Variants in VPS13B observed in about 807,000 individuals in gnomAD.
VPS13B encodes the protein intermembrane lipid transfer protein VPS13B.
A neutral mutation model predicts 426.4 loss-of-function variants in VPS13B; 285 were observed. The ratio of observed to expected loss-of-function variants is 0.67; its 90% CI spans 0.61 to 0.74. The LOEUF (loss-of-function observed/expected upper bound fraction) is 0.74. Ranked by LOEUF, VPS13B falls within the 30% of genes least tolerant of loss-of-function variation. The pLI, the probability that VPS13B is intolerant of heterozygous loss-of-function variation, is 0.00. For synonymous variants in VPS13B, 1,676 were observed against 1,676.4 expected (o/e 1.00, Z 0.01); for missense variants, 4,537 against 4,782.6 (o/e 0.95, Z 1.51).
At chr8:99,606,498 CAAAAAA>C (rs370527702) in intron 33 of VPS13B, among the ~76,000 whole-genome samples, 148 of 74,344 alleles carry the variant, frequency 2.0e-3, no homozygotes, top group African/African-American at 6.7e-3. Context: ...GACTCAGTTT[CAAAAAA>C]AAAAAAAAAA....
intron 14 of VPS13B, among the ~76,000 whole-genome samples, chr8:99,153,119 A>G (rs1052240548): frequency 1.3e-5 from 2 of 152,202 alleles, no homozygotes; most frequent in Non-Finnish European, 1.5e-5. Flanking sequence ...GCAGTGAGCA[A>G]TGATCACACC....
At chr8:99,384,647 G>T (rs1167634901) in intron 20 of VPS13B, among the ~76,000 whole-genome samples, 4 of 152,144 alleles carry the variant, frequency 2.6e-5, no homozygotes, top group Admixed American at 6.6e-5. Context: ...GAATTGCTCA[G>T]TAAATGAATG....
At chr8:99,719,218 A>G (rs2130331255) in intron 37 of VPS13B, among the ~76,000 whole-genome samples, 1 of 152,368 alleles carries the variant, frequency 6.6e-6, no homozygotes, top group South Asian at 2.1e-4. Context: ...CAAGTGCTTA[A>G]AAATAAAAAG....
intron 19 of VPS13B, 60 bp downstream of exon 19, chr8:99,275,314 A>G (rs1169669041): frequency 1.4e-6 from 2 of 1,430,770 alleles, no homozygotes; most frequent in African/African-American, 1.5e-5. Context: ...TTTTCCAGAA[A>G]GGCTTTTAAA....
At chr8:99,234,225 T>C in intron 17 of VPS13B, 4 of 775,158 alleles carry the variant, frequency 5.2e-6, no homozygotes, top group Admixed American at 3.4e-5. Context: ...GCTTAGCTCC[T>C]CCATGGCTAT....
At chr8:99,238,864 A>T (rs527433489) in intron 17 of VPS13B, among the ~76,000 whole-genome samples, 9 of 152,174 alleles carry the variant, frequency 5.9e-5, no homozygotes, top group Non-Finnish European at 1.2e-4. Flanking sequence ...TTTATATGTT[A>T]TATGGTAAAT....
At chr8:99,538,757 G>C (rs1823395701) in intron 30 of VPS13B, among the ~76,000 whole-genome samples, 2 of 152,042 alleles carry the variant, frequency 1.3e-5, no homozygotes, top group African/African-American at 4.8e-5. Flanking sequence ...CTTACTTATT[G>C]ATTTCTTTAG....
intron 23 of VPS13B, among the ~76,000 whole-genome samples, chr8:99,452,458 C>T (rs1452248921): frequency 1.3e-5 from 2 of 152,102 alleles, no homozygotes; most frequent in Non-Finnish European, 2.9e-5. Context: ...TGCTGTATTA[C>T]CATTATTTAG....
chr8:99,237,816 C>T (rs1433065929), intron 17 of VPS13B, among the ~76,000 whole-genome samples: 1 of 149,974 alleles, frequency 6.7e-6, no homozygotes, highest in Non-Finnish European at 1.5e-5. Context: ...TTAAAAAATT[C>T]ATACAAAAAA....
chr8:99,469,119 G>C (rs887447813), intron 24 of VPS13B, among the ~76,000 whole-genome samples: 1 of 150,348 alleles, frequency 6.7e-6, no homozygotes, highest in Non-Finnish European at 1.5e-5. Context: ...AAAAACTTAA[G>C]AACTCATCTT....
intron 54 of VPS13B, among the ~76,000 whole-genome samples, chr8:99,844,521 C>T (rs1815878858): frequency 6.6e-6 from 1 of 152,108 alleles, no homozygotes; most frequent in African/African-American, 2.4e-5. Context: ...GCACCCGCCA[C>T]CATGCCCAGC....
intron 59 of VPS13B, among the ~76,000 whole-genome samples, chr8:99,868,712 C>T (rs562133420): frequency 4.6e-5 from 7 of 152,214 alleles, no homozygotes; most frequent in South Asian, 2.1e-4. Flanking sequence ...TAGACTGTAA[C>T]GAAAAGTAAC....
At chr8:99,326,971 A>G (rs199712774) in intron 19 of VPS13B, among the ~76,000 whole-genome samples, 4 of 152,188 alleles carry the variant, frequency 2.6e-5, no homozygotes, top group East Asian at 1.9e-4. Context: ...TTAGACTGCC[A>G]TAATTGTTAA....
At chr8:99,663,597 CTG>C (rs1830329153) in intron 35 of VPS13B, among the ~76,000 whole-genome samples, 1 of 152,182 alleles carries the variant, frequency 6.6e-6, no homozygotes, top group Admixed American at 6.6e-5. Flanking sequence ...GCTCTTTACA[CTG>C]TGATACAGGG....
chr8:99,074,377 A>C (rs550614141), intron 3 of VPS13B, among the ~76,000 whole-genome samples: 2 of 151,978 alleles, frequency 1.3e-5, no homozygotes, highest in African/African-American at 4.8e-5. Flanking sequence ...TGTATGTTGA[A>C]TCGTCCTTTC....
At chr8:99,579,626 G>C (rs969155575) in intron 33 of VPS13B, among the ~76,000 whole-genome samples, 3 of 151,690 alleles carry the variant, frequency 2.0e-5, no homozygotes, top group Admixed American at 6.6e-5. Flanking sequence ...TCTCCAACTC[G>C]TGACCTCGTG....
chr8:99,438,046 T>G (rs1051223077), intron 22 of VPS13B, among the ~76,000 whole-genome samples: 2 of 151,186 alleles, frequency 1.3e-5, no homozygotes, highest in African/African-American at 4.9e-5. Context: ...TTTTTTTTTT[T>G]TTTTTTTGTA....
intron 36 of VPS13B, among the ~76,000 whole-genome samples, chr8:99,712,006 T>C (rs145149220): frequency 3.2e-4 from 49 of 152,304 alleles, no homozygotes; most frequent in Middle Eastern, 3.4e-3. Context: ...AGGACAGAAA[T>C]TATGGTTTAA....
chr8:99,284,472 A>C (rs1006431262), intron 19 of VPS13B, among the ~76,000 whole-genome samples: 2 of 152,210 alleles, frequency 1.3e-5, no homozygotes, highest in African/African-American at 4.8e-5. Context: ...TAAATGAATG[A>C]TATAAAGGCT....
Sources: allele counts gnomAD v4.1 joint callset (sites outside exome capture counted in the v4.1 genomes callset), GRCh38; gene constraint gnomAD v4.1.1; transcripts MANE v1.5; gene names NCBI Gene and HGNC (gene_info 2026-07-23, HGNC 2026-07-21).